SNX24: variants seen among roughly 807,000 people sequenced by gnomAD.
SNX24 encodes sorting nexin-24.
SNX24 carries 22 observed loss-of-function variants against 28.7 expected under a neutral mutation model. The ratio of observed to expected loss-of-function variants is 0.77; its 90% confidence interval spans 0.55 to 1.10. The LOEUF (loss-of-function observed/expected upper bound fraction) is 1.10, where lower values mean the gene tolerates loss of function less well. SNX24 is among the 50% of genes least tolerant of loss of function. The pLI is 0.00. For missense variants in SNX24, 221 were observed against 201.1 expected (o/e 1.10, Z -0.60); for synonymous variants, 69 against 71.5 (o/e 0.96, Z 0.18).
chr5:123,018,461 G>C (rs532070781), intron 5 of SNX24, among the ~76,000 whole-genome samples: 3 of 152,070 alleles, frequency 2.0e-5, no homozygotes, highest in African/African-American at 7.2e-5. Context: ...TTACCACCTC[G>C]GACAAATGGC....
intron 3 of SNX24, among the ~76,000 whole-genome samples, chr5:122,953,649 C>A (rs115613926): frequency 6.6e-6 from 1 of 152,010 alleles, no homozygotes; most frequent in Non-Finnish European, 1.5e-5. Flanking sequence ...TGTAAACTGG[C>A]GTAATATTTA....
At chr5:122,845,961 GCCATTCTC>G (rs1330893258) in intron 1 of SNX24, among the ~76,000 whole-genome samples, 1 of 152,164 alleles carries the variant, frequency 6.6e-6, no homozygotes, top group Non-Finnish European at 1.5e-5. Flanking sequence ...CGCGGCACTA[GCCATTCTC>G]CCCGCCGCCC....
downstream of SNX24, among the ~76,000 whole-genome samples, chr5:123,013,453 C>T (rs940227656): frequency 1.3e-5 from 2 of 152,162 alleles, no homozygotes; most frequent in Admixed American, 6.5e-5. Flanking sequence ...AATTCAGCAG[C>T]GGAAACACAG....
chr5:122,846,581 T>C (rs1372753843), intron 1 of SNX24, among the ~76,000 whole-genome samples: 2 of 152,224 alleles, frequency 1.3e-5, no homozygotes, highest in Non-Finnish European at 2.9e-5. Context: ...TTACATTACT[T>C]TGATGGAGAA....
At position 122,936,324 on chromosome 5, in the gene SNX24, C is replaced by T. The variant is rs558482281; in HGVS notation, c.61-410C>T. On this transcript the variant is annotated intron_variant, in intron 1 of 6. Transcript: ENST00000261369. ...CTTATAGATGACACAGTACTGCCTGCGTTGAAATGCCCATAATGGAATACC... is the reference window on the plus strand; with the variant it reads ...CTTATAGATGACACAGTACTGCCTGTGTTGAAATGCCCATAATGGAATACC... Among the ~76,000 whole-genome samples, 7 of 152,208 alleles carry T rather than the reference C, an allele frequency of 4.6e-5. No individual in the cohort carries two copies. In the South Asian group the frequency reaches 8.3e-4, roughly 18 times the overall value.
At chr5:123,002,356 T>C (rs1762274860) in intron 6 of SNX24, among the ~76,000 whole-genome samples, 1 of 152,140 alleles carries the variant, frequency 6.6e-6, no homozygotes, top group Non-Finnish European at 1.5e-5. Context: ...AAAATGCCTC[T>C]TCCCGGCCAG....
intron 1 of SNX24, among the ~76,000 whole-genome samples, chr5:122,921,296 T>C (rs913612054): frequency 1.3e-5 from 2 of 152,158 alleles, no homozygotes; most frequent in Non-Finnish European, 1.5e-5. Context: ...GAATTTTAGT[T>C]TGTAAAAGGA....
chr5:122,911,189 T>C (rs552932982), intron 1 of SNX24, among the ~76,000 whole-genome samples: 2 of 152,348 alleles, frequency 1.3e-5, no homozygotes, highest in East Asian at 3.9e-4. Flanking sequence ...TATCTCATTG[T>C]GGTTTTGATT....
At chr5:122,988,587 A>C (rs1281433700) in intron 3 of SNX24, among the ~76,000 whole-genome samples, 1 of 152,194 alleles carries the variant, frequency 6.6e-6, no homozygotes, top group Non-Finnish European at 1.5e-5. Context: ...CCAATGCTAA[A>C]TTATTCCCTG....
At chr5:123,021,067 A>G (rs974121578) in intron 5 of SNX24, among the ~76,000 whole-genome samples, 4 of 151,910 alleles carry the variant, frequency 2.6e-5, no homozygotes, top group Middle Eastern at 3.4e-3. Flanking sequence ...CCCATCACTG[A>G]TGACCACTGT....
At chr5:122,895,365 A>G (rs1460728283) in intron 1 of SNX24, among the ~76,000 whole-genome samples, 1 of 152,202 alleles carries the variant, frequency 6.6e-6, no homozygotes, top group Non-Finnish European at 1.5e-5. Flanking sequence ...AATGGAATAC[A>G]TTAGAGCTGG....
chr5:122,960,587 T>C (rs1042853222), intron 3 of SNX24, among the ~76,000 whole-genome samples: 1 of 152,234 alleles, frequency 6.6e-6, no homozygotes, highest in African/African-American at 2.4e-5. Context: ...GCAGTTAATA[T>C]TCTTTTAGGG....
At chr5:122,986,943 T>C (rs1177575836) in intron 3 of SNX24, among the ~76,000 whole-genome samples, 2 of 152,044 alleles carry the variant, frequency 1.3e-5, no homozygotes, top group East Asian at 3.9e-4. Context: ...AAGAAATGAA[T>C]ATTTGAGAAA....
chr5:123,002,810 C>T (rs1369177417), intron 6 of SNX24, among the ~76,000 whole-genome samples: 1 of 152,092 alleles, frequency 6.6e-6, no homozygotes, highest in Non-Finnish European at 1.5e-5. Flanking sequence ...CATCAGAGTC[C>T]CTCTCAAAGT....
At chr5:122,884,254 T>TC (rs1756601834) in intron 1 of SNX24, among the ~76,000 whole-genome samples, 1 of 141,196 alleles carries the variant, frequency 7.1e-6, no homozygotes, top group Non-Finnish European at 1.5e-5. Context: ...TCTTTTTCTT[T>TC]TTTTTTTTTT....
At chr5:123,018,603 T>G (rs3813313) in intron 5 of SNX24, among the ~76,000 whole-genome samples, 103,993 of 151,972 alleles carry the variant, frequency 0.68, 36,818 homozygotes, top group Non-Finnish European at 0.75. Flanking sequence ...TTTACAAGTG[T>G]GTAATAGAAG....
intron 3 of SNX24, among the ~76,000 whole-genome samples, chr5:122,970,076 G>A (rs1004583796): frequency 1.3e-5 from 2 of 151,536 alleles, no homozygotes; most frequent in African/African-American, 2.4e-5. Context: ...TGTCCTCGCC[G>A]CTGCCGTTGT....
chr5:122,921,834 T>C (rs1758445001), intron 1 of SNX24, among the ~76,000 whole-genome samples: 1 of 152,228 alleles, frequency 6.6e-6, no homozygotes, highest in Non-Finnish European at 1.5e-5. Flanking sequence ...GATTGTATTT[T>C]TGCAAGTCAA....
In SNX24 at chr5:123,008,695, C is replaced by G. The variant is rs1042249176; in HGVS notation, c.*946C>G. 8.7e-6 allele frequency: 2 copies of G among 230,094 alleles called. No individual in the cohort carries two copies. Among genetic ancestry groups the G allele is most frequent in the South Asian group, 1.6e-4 (1 of 6,360 alleles). 14.3% of individuals were successfully genotyped at this position (230,094 alleles called of 1,614,324 possible). On this transcript the variant is annotated 3_prime_UTR_variant, in exon 7 of 7. Transcript: ENST00000261369. The stretch of plus-strand genomic sequence containing the variant: ...TGGACAGCACCCACCTGGGTTTACT[C>G]AAGGGTGTGCATTCATTTTAGGTGG...
Sources: gnomAD v4.1 joint callset for allele counts (sites outside exome capture counted in the v4.1 genomes callset) on GRCh38, gnomAD v4.1.1 for gene constraint, MANE v1.5 for transcripts, NCBI Gene and HGNC (gene_info 2026-07-23, HGNC 2026-07-21) for gene names.